C12orf75: variants seen among roughly 807,000 people sequenced by gnomAD.
The protein encoded by C12orf75 is chromosome 12 open reading frame 75.
In C12orf75, 4 loss-of-function variants were observed where a neutral mutation model predicts 11.4. The observed-to-expected ratio is 0.35, with a 90% CI of 0.17 to 0.80. The LOEUF is 0.80. Ranked by LOEUF, C12orf75 falls within the 30% of genes least tolerant of loss-of-function variation. C12orf75 has a pLI of 0.52. For synonymous variants in C12orf75, 30 were observed against 30.0 expected, an observed-to-expected ratio of 1.00 and a Z score of 0.00; for missense variants, 89 against 80.4, an observed-to-expected ratio of 1.11 and a Z score of -0.41.
intron 2 of C12orf75, among the ~76,000 whole-genome samples, chr12:105,360,675 G>A (rs535427391): frequency 1.3e-5 from 2 of 152,138 alleles, no homozygotes; most frequent in East Asian, 1.9e-4. Flanking sequence ...TTTTTGAGAC[G>A]GGGCCTTGCT....
chr12:105,351,603 G>T (rs1205744977), intron 2 of C12orf75, among the ~76,000 whole-genome samples: 1 of 152,154 alleles, frequency 6.6e-6, no homozygotes, highest in Admixed American at 6.5e-5. Context: ...AGAATTTAAT[G>T]CTGGTCTTGG....
chr12:105,336,071 G>T (rs1892496583), intron 1 of C12orf75, among the ~76,000 whole-genome samples: 1 of 152,236 alleles, frequency 6.6e-6, no homozygotes. Flanking sequence ...TGAAGAATAG[G>T]TAAGATTTGG....
chr12:105,348,691 T>A, intron 2 of C12orf75, 65 bp downstream of exon 2: 2 of 1,109,504 alleles, frequency 1.8e-6, no homozygotes, highest in Non-Finnish European at 2.6e-6. Flanking sequence ...TTTTCATGAT[T>A]ATGACCTTTA....
chr12:105,331,614 AC>A (rs1284308910), intron 1 of C12orf75, among the ~76,000 whole-genome samples: 4 of 151,916 alleles, frequency 2.6e-5, no homozygotes, highest in Non-Finnish European at 4.4e-5. Flanking sequence ...ACACACACAC[AC>A]ACACACACAA....
intron 2 of C12orf75, among the ~76,000 whole-genome samples, chr12:105,352,575 TG>T (rs757987061): frequency 1.1e-4 from 17 of 152,336 alleles, no homozygotes; most frequent in Non-Finnish European, 2.1e-4. Flanking sequence ...GTTGTGAGTA[TG>T]GTTGATTTTG....
chr12:105,357,019 A>T (rs1035920731), intron 2 of C12orf75, among the ~76,000 whole-genome samples: 1 of 152,244 alleles, frequency 6.6e-6, no homozygotes, highest in Admixed American at 6.5e-5. Context: ...CACCCCAAAG[A>T]GCAGCCACAG....
At chr12:105,346,188 G>A (rs1221511783) in intron 1 of C12orf75, among the ~76,000 whole-genome samples, 7 of 151,780 alleles carry the variant, frequency 4.6e-5, no homozygotes, top group African/African-American at 7.3e-5. Flanking sequence ...GAGTTGTCCC[G>A]GACCAAACCA....
In C12orf75 at chr12:105,330,815, C is replaced by A. The variant is rs1386090290; in HGVS notation, c.-77C>A. 13 of 1,217,790 alleles carry A rather than the reference C, an allele frequency of 1.1e-5. No individual in the cohort carries two copies. Among genetic ancestry groups the A allele is most frequent in the Non-Finnish European group, 1.3e-5 (13 of 978,084 alleles). 75.4% of individuals were successfully genotyped at this position (1,217,790 alleles called of 1,614,324 possible). ...CGTCAGCCTCCCGCTCGGGGTGCGC[C>A]GCCCTTCGTCTGGGTCTCCGCCCCC... On this transcript the variant is annotated 5_prime_UTR_variant, in exon 1 of 6. Coordinates refer to ENST00000443585, the MANE Select transcript of C12orf75 (RefSeq NM_001145199.2).
chr12:105,345,983 A>T (rs1261404604), intron 1 of C12orf75, among the ~76,000 whole-genome samples: 1 of 152,024 alleles, frequency 6.6e-6, no homozygotes, highest in East Asian at 1.9e-4. Flanking sequence ...TTTAAGTCTG[A>T]TAAGAAACAT....
intron 1 of C12orf75, among the ~76,000 whole-genome samples, chr12:105,334,584 A>AT (rs1566134925): frequency 1.3e-5 from 2 of 152,282 alleles, no homozygotes; most frequent in East Asian, 1.9e-4. Context: ...GATGCAGCAT[A>AT]TTTTTTCTGC....
chr12:105,338,767 C>A (rs1892528485), intron 1 of C12orf75, among the ~76,000 whole-genome samples: 1 of 152,088 alleles, frequency 6.6e-6, no homozygotes, highest in African/African-American at 2.4e-5. Context: ...TAATGACCAG[C>A]CAGCTCTCAT....
At chr12:105,339,442 T>G (rs1414104621) in intron 1 of C12orf75, among the ~76,000 whole-genome samples, 3 of 149,380 alleles carry the variant, frequency 2.0e-5, no homozygotes, top group South Asian at 2.1e-4. Context: ...TTATTTCGGG[T>G]GTGTGTGTGT....
At chr12:105,335,940 T>C (rs1227487374) in intron 1 of C12orf75, among the ~76,000 whole-genome samples, 1 of 152,256 alleles carries the variant, frequency 6.6e-6, no homozygotes, top group Non-Finnish European at 1.5e-5. Context: ...CACACTGTAC[T>C]GATGTAGCAA....
At chr12:105,346,849 CTG>C (rs1892647863) in intron 1 of C12orf75, among the ~76,000 whole-genome samples, 1 of 152,218 alleles carries the variant, frequency 6.6e-6, no homozygotes, top group Admixed American at 6.5e-5. Context: ...TTTTACACCT[CTG>C]TGACTTGTGC....
chr12:105,348,711 G>A, intron 2 of C12orf75, 85 bp downstream of exon 2: 10 of 842,294 alleles, frequency 1.2e-5, no homozygotes, highest in South Asian at 3.6e-5. Flanking sequence ...AGATCTCTGT[G>A]GGTATGGCTG....
chr12:105,358,387 G>T (rs553437466), intron 2 of C12orf75, among the ~76,000 whole-genome samples: 1 of 152,182 alleles, frequency 6.6e-6, no homozygotes, highest in South Asian at 2.1e-4. Flanking sequence ...CCAGGTGCGG[G>T]GTGTGCGCCT....
At position 105,330,924 on chromosome 12, in the gene C12orf75, G is replaced by T; in HGVS notation, c.33G>T (p.Ala11=). MGCGNSTATS[A]GAGQGPAGAA... ...GCGGGAACTCCACCGCCACCAGCGC[G>T]GGCGCGGGCCAAGGTGAGTCCGGCG... The change falls in exon 1 of 6, where the codon GCG becomes GCT. Residue 11 remains alanine (A), a synonymous_variant. Transcript: ENST00000443585. 1 of 1,240,482 alleles carries T rather than the reference G, an allele frequency of 8.1e-7. No individual in the cohort carries two copies. The highest frequency in any genetic ancestry group is 1.6e-5 in the African/African-American group (1 of 64,226). The allele number at this position is 1,240,482 out of a possible 1,614,324, so 76.8% of individuals were successfully genotyped here. A position where few individuals can be genotyped will look rare whatever the true frequency, so the allele number is the denominator to read the frequency against.
chr12:105,332,979 C>G (rs1892454635), intron 1 of C12orf75, among the ~76,000 whole-genome samples: 1 of 150,708 alleles, frequency 6.6e-6, no homozygotes, highest in South Asian at 2.1e-4. Context: ...AGCAGCCTCA[C>G]TTTTGTTTGT....
chr12:105,370,199 G>A (rs938699775), intron 5 of C12orf75, among the ~76,000 whole-genome samples: 1 of 152,174 alleles, frequency 6.6e-6, no homozygotes, highest in Non-Finnish European at 1.5e-5. Flanking sequence ...CTTAAGTGAT[G>A]GTGCTCAGAT....
Sources: allele counts gnomAD v4.1 joint callset (sites outside exome capture counted in the v4.1 genomes callset), GRCh38; gene constraint gnomAD v4.1.1; transcripts MANE v1.5; gene names NCBI Gene and HGNC (gene_info 2026-07-23, HGNC 2026-07-21).